The following LDLRAD4 variants were observed in gnomAD, a reference collection of about 807,000 sequenced individuals.
LDLRAD4 encodes the protein low-density lipoprotein receptor class A domain-containing protein 4.
LDLRAD4 carries 5 observed loss-of-function variants against 17.0 expected under a neutral mutation model. That is an observed-to-expected ratio of 0.29 (90% CI 0.15 to 0.62). The LOEUF is 0.62. Among genes scored for constraint, LDLRAD4 ranks in the 20% least tolerant of loss-of-function variants. The pLI, the probability that LDLRAD4 is intolerant of heterozygous loss-of-function variation, is 0.84. For synonymous variants in LDLRAD4, 168 were observed against 171.8 expected, an observed-to-expected ratio of 0.98 and a Z score of 0.17; for missense variants, 340 against 424.7, an observed-to-expected ratio of 0.80 and a Z score of 1.75.
chr18:13,259,680 AATCC>A (rs2043702049), intron 1 of LDLRAD4, among the ~76,000 whole-genome samples: 1 of 151,704 alleles, frequency 6.6e-6, no homozygotes, highest in Non-Finnish European at 1.5e-5. Context: ...TCTCCCCTAT[AATCC>A]ATCCCTCCCT....
intron 3 of LDLRAD4, among the ~76,000 whole-genome samples, chr18:13,530,063 A>G (rs2094103967): frequency 6.6e-6 from 1 of 151,990 alleles, no homozygotes; most frequent in Non-Finnish European, 1.5e-5. Flanking sequence ...AAGTTAAAGG[A>G]AAAAAAACAC....
chr18:13,435,404 A>G (rs1568145411), intron 2 of LDLRAD4, among the ~76,000 whole-genome samples: 1 of 152,216 alleles, frequency 6.6e-6, no homozygotes, highest in Non-Finnish European at 1.5e-5. Flanking sequence ...TATTGGGCTA[A>G]TGACTCACTG....
intron 4 of LDLRAD4, among the ~76,000 whole-genome samples, chr18:13,631,382 C>T (rs1169852418): frequency 6.6e-6 from 1 of 152,096 alleles, no homozygotes; most frequent in East Asian, 1.9e-4. Context: ...AATCTCCAAC[C>T]TGGACCACAT....
At chr18:13,602,943 A>G (rs1417481750) in intron 3 of LDLRAD4, among the ~76,000 whole-genome samples, 4 of 152,186 alleles carry the variant, frequency 2.6e-5, no homozygotes, top group Non-Finnish European at 4.4e-5. Context: ...ATGGGAGGAC[A>G]TCGCTATATG....
intron 2 of LDLRAD4, among the ~76,000 whole-genome samples, chr18:13,395,139 T>C (rs1347307921): frequency 6.6e-6 from 1 of 152,094 alleles, no homozygotes; most frequent in Non-Finnish European, 1.5e-5. Context: ...GTGCACTCTT[T>C]ACCACACTGA....
chr18:13,643,332 C>T, intron 4 of LDLRAD4, 27 bp from the exon 6 acceptor site: 2 of 1,451,276 alleles, frequency 1.4e-6, no homozygotes, highest in Non-Finnish European at 1.9e-6. Context: ...TTGTTCCCCC[C>T]ACTCTCCTCC....
rs1418211689 is a variant in LDLRAD4, at chr18:13,621,504, A to G, written c.336+233A>G. Among the ~76,000 whole-genome samples the G allele has an allele frequency of 1.3e-5, 2 of 152,186 alleles. No individual in the cohort carries two copies. The highest frequency in any genetic ancestry group is 1.3e-4 in the Admixed American group (2 of 15,284). Reference sequence around the variant, plus strand: ...CCCAGAAGCCTGCGTGACCCCTCCCAGGTCTCCCCTGGATCTTTGCTGCCC... The same window carrying G: ...CCCAGAAGCCTGCGTGACCCCTCCCGGGTCTCCCCTGGATCTTTGCTGCCC... On this transcript the variant is annotated intron_variant, in intron 4 of 5. Coordinates refer to ENST00000359446, the Ensembl canonical transcript of LDLRAD4. This position sits in a 1 kb window ranked among gnomAD's most constrained non-coding sequence, Gnocchi z 5.5.
intron 4 of LDLRAD4, chr18:13,642,338 C>CCT (rs2042648850): frequency 2.0e-6 from 2 of 1,002,616 alleles, no homozygotes; most frequent in Admixed American, 1.2e-4. Flanking sequence ...CCGTGACGGC[C>CCT]GACAGCCCCG....
At chr18:13,321,195 G>A (rs977014621) in intron 1 of LDLRAD4, among the ~76,000 whole-genome samples, 3 of 152,000 alleles carry the variant, frequency 2.0e-5, no homozygotes, top group African/African-American at 7.3e-5. Flanking sequence ...CAGACAGGCC[G>A]GTCTCCTGCC....
chr18:13,257,793 C>T (rs369970959), intron 1 of LDLRAD4, among the ~76,000 whole-genome samples: 2 of 152,180 alleles, frequency 1.3e-5, no homozygotes, highest in African/African-American at 2.4e-5. Flanking sequence ...CCACAGTCCA[C>T]GGGACAGCCT....
intron 1 of LDLRAD4, among the ~76,000 whole-genome samples, chr18:13,252,628 T>C (rs1045619933): frequency 5.3e-5 from 8 of 152,214 alleles, no homozygotes; most frequent in Admixed American, 4.6e-4. Flanking sequence ...CCCTGGGAAC[T>C]CGGTGGTGCC....
intron 1 of LDLRAD4, among the ~76,000 whole-genome samples, chr18:13,325,621 C>T (rs576686715): frequency 2.1e-4 from 32 of 152,362 alleles, no homozygotes; most frequent in Non-Finnish European, 2.2e-4. Context: ...GCGTGGGCAA[C>T]GCTGAAGGCC....
At chr18:13,602,343 C>T (rs1028670228) in intron 3 of LDLRAD4, among the ~76,000 whole-genome samples, 2 of 152,082 alleles carry the variant, frequency 1.3e-5, no homozygotes, top group Non-Finnish European at 2.9e-5. Flanking sequence ...TCGTATCAGA[C>T]AGTTTAGTAG....
chr18:13,347,713 C>G (rs533000585), intron 1 of LDLRAD4, among the ~76,000 whole-genome samples: 28 of 152,338 alleles, frequency 1.8e-4, no homozygotes, highest in African/African-American at 5.1e-4. Flanking sequence ...GTACACCAAT[C>G]AGACGTAGAT....
chr18:13,344,910 G>T (rs1172334731), intron 1 of LDLRAD4, among the ~76,000 whole-genome samples: 1 of 152,142 alleles, frequency 6.6e-6, no homozygotes, highest in Non-Finnish European at 1.5e-5. Context: ...CAGAATGCTT[G>T]TGATTTTTGC....
chr18:13,353,230 C>G lies in LDLRAD4; in HGVS notation c.-382-34111C>G, dbSNP rs187021842. On this transcript the variant is annotated intron_variant, in intron 1 of 5. Transcript: ENST00000359446. Reference sequence around the variant, plus strand: ...AATTAGGCATTTGAAAAAAAAATAACCACTTCCTCCTGTCTTTCTAGAGTG... The same window carrying G: ...AATTAGGCATTTGAAAAAAAAATAAGCACTTCCTCCTGTCTTTCTAGAGTG... Among the ~76,000 whole-genome samples, 385 of 152,134 alleles carry G rather than the reference C, an allele frequency of 2.5e-3. 1 individual carries two copies. Among genetic ancestry groups the G allele is most frequent in the African/African-American group, 8.6e-3 (357 of 41,516 alleles).
At chr18:13,489,967 T>C (rs567427232) in intron 3 of LDLRAD4, 3 of 152,136 alleles carry the variant, frequency 2.0e-5, no homozygotes, top group South Asian at 4.1e-4. Flanking sequence ...AAATAACTCA[T>C]GATAAAAGGG....
In LDLRAD4 at chr18:13,398,344, A is replaced by G. The variant is rs537094532; in HGVS notation, c.40+10582A>G. 8.9e-4 allele frequency among the ~76,000 whole-genome samples: 135 copies of G among 152,308 alleles called. No homozygotes were observed. The highest frequency in any genetic ancestry group is 1.5e-3 in the Non-Finnish European group (100 of 68,020). ...TTAGGCGTGAAAGCAGCACAGCGTCACGGTGGTGATGCTTGCGTAGCAGTG... is the reference window on the plus strand; with the variant it reads ...TTAGGCGTGAAAGCAGCACAGCGTCGCGGTGGTGATGCTTGCGTAGCAGTG... On this transcript the variant is annotated intron_variant, in intron 2 of 5. Transcript: ENST00000359446. This position sits in a 1 kb window ranked among gnomAD's most constrained non-coding sequence, Gnocchi z 4.8.
chr18:13,597,613 T>G (rs934239363), intron 3 of LDLRAD4, among the ~76,000 whole-genome samples: 1 of 152,160 alleles, frequency 6.6e-6, no homozygotes, highest in Non-Finnish European at 1.5e-5. Flanking sequence ...CTTGTTTCTC[T>G]TCAATCATTT....
Sources: allele counts gnomAD v4.1 joint callset (sites outside exome capture counted in the v4.1 genomes callset), GRCh38; gene constraint gnomAD v4.1.1; non-coding constraint Gnocchi (gnomAD v3.1); transcripts MANE v1.5; gene names NCBI Gene and HGNC (gene_info 2026-07-23, HGNC 2026-07-21).